The following EPHA6 variants were observed in gnomAD, a reference collection of about 807,000 sequenced individuals.
The protein encoded by EPHA6 is EPH receptor A6.
EPHA6 carries 50 observed loss-of-function variants against 112.0 expected under a neutral mutation model. The ratio of observed to expected loss-of-function variants is 0.45; its 90% CI spans 0.36 to 0.56. The LOEUF (loss-of-function observed/expected upper bound fraction) is 0.56. EPHA6 is among the 20% of genes least tolerant of loss of function. EPHA6 has a pLI of 0.00. For synonymous variants in EPHA6, 529 were observed against 490.7 expected, an observed-to-expected ratio of 1.08 and a Z score of -1.03; for missense variants, 1,280 against 1,417.4, an observed-to-expected ratio of 0.90 and a Z score of 1.56.
intron 5 of EPHA6, among the ~76,000 whole-genome samples, chr3:97,372,155 A>G (rs2085093203): frequency 6.6e-6 from 1 of 152,068 alleles, no homozygotes. Context: ...AATCACTAAT[A>G]AAAACTTGGT....
chr3:97,488,800 A>T (rs2091762535), intron 10 of EPHA6, among the ~76,000 whole-genome samples: 1 of 152,190 alleles, frequency 6.6e-6, no homozygotes, highest in African/African-American at 2.4e-5. Context: ...TTTCTTGTGT[A>T]TTCTTGAAAA....
At chr3:97,481,530 C>A (rs1300936123) in intron 9 of EPHA6, 1 of 853,554 alleles carries the variant, frequency 1.2e-6, no homozygotes, top group Non-Finnish European at 2.0e-6. Flanking sequence ...TAAGTGCAGG[C>A]CCGGGGGTCC....
At chr3:97,190,247 A>C (rs764890443) in intron 3 of EPHA6, among the ~76,000 whole-genome samples, 1 of 152,078 alleles carries the variant, frequency 6.6e-6, no homozygotes, top group Non-Finnish European at 1.5e-5. Context: ...CATTGGCCTG[A>C]CTTCCAATTG....
At chr3:97,548,822 AT>A (rs2092992609) in intron 11 of EPHA6, among the ~76,000 whole-genome samples, 1 of 152,242 alleles carries the variant, frequency 6.6e-6, no homozygotes, top group African/African-American at 2.4e-5. Context: ...AAACAATCAC[AT>A]ACAGGTTTTT....
At chr3:97,420,580 T>C (rs973912875) in intron 6 of EPHA6, among the ~76,000 whole-genome samples, 1 of 152,100 alleles carries the variant, frequency 6.6e-6, no homozygotes, top group African/African-American at 2.4e-5. Flanking sequence ...ACTAAGAGCA[T>C]CTGGCTTAGA....
chr3:97,722,853 T>C (rs1005358993), intron 15 of EPHA6, among the ~76,000 whole-genome samples: 13 of 152,086 alleles, frequency 8.5e-5, no homozygotes, highest in African/African-American at 2.7e-4. Context: ...CAAATAAATA[T>C]AAAAAGCAGT....
intron 6 of EPHA6, among the ~76,000 whole-genome samples, chr3:97,409,968 T>C (rs1036925797): frequency 1.3e-5 from 2 of 152,092 alleles, no homozygotes; most frequent in East Asian, 3.9e-4. Context: ...CTTTGCTTTT[T>C]AATTAAAAAT....
chr3:97,082,283 A>G (rs182284267), intron 3 of EPHA6, among the ~76,000 whole-genome samples: 3 of 152,032 alleles, frequency 2.0e-5, no homozygotes, highest in Non-Finnish European at 4.4e-5. Context: ...ATATAAAACT[A>G]TTACAAAAAT....
chr3:96,868,354 A>C (rs544398970), intron 2 of EPHA6, among the ~76,000 whole-genome samples: 2 of 151,996 alleles, frequency 1.3e-5, no homozygotes, highest in Admixed American at 1.3e-4. Flanking sequence ...TTTATAGGTT[A>C]AAATAAGGAA....
intron 1 of EPHA6, among the ~76,000 whole-genome samples, chr3:96,834,967 C>G (rs941293519): frequency 1.3e-5 from 2 of 151,984 alleles, no homozygotes; most frequent in African/African-American, 4.8e-5. Context: ...CAAATTATTA[C>G]CATGTTTTAA....
At chr3:97,528,388 G>T (rs985053899) in intron 10 of EPHA6, among the ~76,000 whole-genome samples, 4 of 152,110 alleles carry the variant, frequency 2.6e-5, no homozygotes, top group African/African-American at 9.7e-5. Flanking sequence ...AGAGAGGGAT[G>T]TCAAAGCTCA....
chr3:97,535,390 A>G (rs915108380), intron 11 of EPHA6, among the ~76,000 whole-genome samples: 1 of 152,114 alleles, frequency 6.6e-6, no homozygotes, highest in Admixed American at 6.6e-5. Context: ...TATACTGTTG[A>G]GTGACAATCA....
At chr3:97,000,733 A>G (rs1427603142) in intron 3 of EPHA6, among the ~76,000 whole-genome samples, 3 of 151,720 alleles carry the variant, frequency 2.0e-5, no homozygotes, top group Non-Finnish European at 4.4e-5. Flanking sequence ...AAATATTGTC[A>G]TGTCAAGTAA....
At chr3:97,078,201 A>C (rs2046600573) in intron 3 of EPHA6, among the ~76,000 whole-genome samples, 1 of 152,126 alleles carries the variant, frequency 6.6e-6, no homozygotes, top group Admixed American at 6.5e-5. Flanking sequence ...TCTTTTGAGA[A>C]GTGTCTGTTC....
chr3:97,038,482 A>C (rs920376918), intron 3 of EPHA6, among the ~76,000 whole-genome samples: 1 of 152,052 alleles, frequency 6.6e-6, no homozygotes, highest in Non-Finnish European at 1.5e-5. Context: ...GGCAAATGAC[A>C]TGATTTTATG....
intron 3 of EPHA6, among the ~76,000 whole-genome samples, chr3:97,142,606 T>C (rs2075939577): frequency 6.6e-6 from 1 of 151,808 alleles, no homozygotes; most frequent in South Asian, 2.1e-4. Context: ...CTTCCCAAGG[T>C]TGAACCATGA....
chr3:97,047,361 G>A (rs538565932), intron 3 of EPHA6, among the ~76,000 whole-genome samples: 22 of 151,800 alleles, frequency 1.4e-4, no homozygotes, highest in Non-Finnish European at 2.4e-4. Flanking sequence ...TTAGCTGGGC[G>A]TGGTGGTGGG....
intron 3 of EPHA6, among the ~76,000 whole-genome samples, chr3:96,993,950 T>C (rs988885703): frequency 1.5e-4 from 23 of 152,180 alleles, no homozygotes; most frequent in African/African-American, 5.5e-4. Flanking sequence ...ATACTCCATA[T>C]CTACTGAATG....
At chr3:97,608,532 A>G (rs2093695882) in intron 12 of EPHA6, among the ~76,000 whole-genome samples, 2 of 151,428 alleles carry the variant, frequency 1.3e-5, no homozygotes, top group Non-Finnish European at 1.5e-5. Flanking sequence ...CAGGCACAAC[A>G]TTTCATAGTG....
Sources: gnomAD v4.1 joint callset for allele counts (sites outside exome capture counted in the v4.1 genomes callset) on GRCh38, gnomAD v4.1.1 for gene constraint, MANE v1.5 for transcripts, NCBI Gene and HGNC (gene_info 2026-07-23, HGNC 2026-07-21) for gene names.